TUBGCP4: variants seen among roughly 807,000 people sequenced by gnomAD.
The protein encoded by TUBGCP4 is tubulin gamma complex component 4, also known as gamma-tubulin complex component 4.
A neutral mutation model predicts 91.6 loss-of-function variants in TUBGCP4; 54 were observed. The observed-to-expected ratio is 0.59, with a 90% CI of 0.47 to 0.74. The LOEUF is 0.74. Ranked by LOEUF, TUBGCP4 falls within the 30% of genes least tolerant of loss-of-function variation. The pLI is 0.00. For missense variants in TUBGCP4, 593 were observed against 800.9 expected (o/e 0.74, Z 3.13); for synonymous variants, 297 against 302.8 (o/e 0.98, Z 0.20).
At chr15:43,404,241 A>G in intron 16 of TUBGCP4, 172 bp from the exon 17 acceptor site, 1 of 688,224 alleles carries the variant, frequency 1.5e-6, no homozygotes, top group Non-Finnish European at 2.4e-6. Context: ...GCATGTATGG[A>G]TTTGGTACAA....
At chr15:43,396,008 T>C (rs180986424) in intron 11 of TUBGCP4, among the ~76,000 whole-genome samples, 4 of 152,316 alleles carry the variant, frequency 2.6e-5, no homozygotes, top group Non-Finnish European at 5.9e-5. Context: ...TAGAATTCTT[T>C]AGGTGTGAAT....
At chr15:43,403,511 T>G in intron 15 of TUBGCP4, 172 bp from the exon 16 acceptor site, 1 of 573,424 alleles carries the variant, frequency 1.7e-6, no homozygotes, top group Non-Finnish European at 3.1e-6. Context: ...GTTTTACGCA[T>G]TTTGTGCGTC....
Position 43,406,670 on chromosome 15 carries a change from G to GGAA in TUBGCP4, c.*1458_*1460dup. The stretch of plus-strand genomic sequence containing the variant: ...CAGGGATCAGTGATGCCAGAGGAAG[G>GGAA]GAAGGAACTGCTTCCAGCTATTGTG... On this transcript the variant is annotated 3_prime_UTR_variant, in exon 18 of 18. Transcript: ENST00000564079. 1 of 450,850 alleles carries GGAA rather than the reference G, an allele frequency of 2.2e-6. No individual in the cohort carries two copies. The highest frequency in any genetic ancestry group is 4.4e-6 in the Non-Finnish European group (1 of 225,248). The allele number at this position is 450,850 out of a possible 1,614,324, so 27.9% of individuals were successfully genotyped here. A position where few individuals can be genotyped will look rare whatever the true frequency, so the allele number is the denominator to read the frequency against.
intron 11 of TUBGCP4, among the ~76,000 whole-genome samples, chr15:43,396,801 CCT>C (rs943091740): frequency 1.4e-4 from 22 of 152,070 alleles, no homozygotes; most frequent in Non-Finnish European, 2.9e-5. Context: ...CTACTAAGCC[CCT>C]GTTTATCTTG....
In TUBGCP4 at chr15:43,405,317, T is replaced by G; in HGVS notation, c.*103T>G. 1 of 1,342,826 alleles carries G rather than the reference T, an allele frequency of 7.4e-7. No individual in the cohort carries two copies. The highest frequency in any genetic ancestry group is 1.2e-5 in the South Asian group (1 of 83,404). 83.2% of individuals were successfully genotyped at this position (1,342,826 alleles called of 1,614,324 possible). A position where few individuals can be genotyped will look rare whatever the true frequency, so the allele number is the denominator to read the frequency against. On this transcript the variant is annotated 3_prime_UTR_variant, in exon 18 of 18. Transcript: ENST00000564079. The stretch of plus-strand genomic sequence containing the variant: ...CCACACACAAATAAATATCTGCGGC[T>G]TAGTGATAGGACTCTACCTTTTCTC...
chr15:43,397,456 A>C, intron 12 of TUBGCP4, 135 bp downstream of exon 12: 1 of 685,182 alleles, frequency 1.5e-6, no homozygotes, highest in Non-Finnish European at 2.6e-6. Flanking sequence ...CTATAATTCT[A>C]TAGAGAAGAA....
chr15:43,400,753 T>A (rs1432740162), intron 14 of TUBGCP4, among the ~76,000 whole-genome samples: 28 of 152,084 alleles, frequency 1.8e-4, no homozygotes, highest in Admixed American at 5.2e-4. Context: ...CCATCTCTAC[T>A]AAAAATACAA....
chr15:43,408,402 G>T lies in TUBGCP4; in HGVS notation c.*3188G>T. On this transcript the variant is annotated 3_prime_UTR_variant, in exon 18 of 18. Transcript: ENST00000564079. ...AGGCTGAGGTAGGGGGATCACTTCA[G>T]CCTGGGAGGTTGAGGCTGCAGTAAG... 3.4e-6 allele frequency: 1 copy of T among 297,314 alleles called. No individual in the cohort carries two copies. Among genetic ancestry groups the T allele is most frequent in the South Asian group, 4.0e-5 (1 of 24,962 alleles). The allele number at this position is 297,314 out of a possible 1,614,324, so 18.4% of individuals were successfully genotyped here.
At position 43,407,328 on chromosome 15, in the gene TUBGCP4, G is replaced by C; in HGVS notation, c.*2114G>C. The C allele has an allele frequency of 6.5e-7, 1 of 1,539,956 alleles. No homozygotes were observed. Among genetic ancestry groups the C allele is most frequent in the Non-Finnish European group, 8.9e-7 (1 of 1,120,692 alleles). ...ACACACAAGACACATTTAAAACCTG[G>C]TTAAAACACAATCTCCACGATAGCA... On this transcript the variant is annotated 3_prime_UTR_variant, in exon 18 of 18. Transcript: ENST00000564079.
intron 1 of TUBGCP4, 123 bp downstream of exon 1, chr15:43,371,555 G>A (rs2044122490): frequency 4.2e-6 from 4 of 954,816 alleles, no homozygotes; most frequent in South Asian, 1.4e-5. Context: ...CGTATCCCTG[G>A]ACAGGTGACT....
chr15:43,391,014 C>CT (rs58824568), intron 9 of TUBGCP4, among the ~76,000 whole-genome samples: 1,512 of 143,412 alleles, frequency 0.011, 19 homozygotes, highest in African/African-American at 0.033. Flanking sequence ...TTCTTTTCTT[C>CT]TTTTTTTTTT....
At chr15:43,403,857 G>A in intron 16 of TUBGCP4, 58 bp downstream of exon 16, 1 of 1,245,600 alleles carries the variant, frequency 8.0e-7, no homozygotes, top group Non-Finnish European at 1.2e-6. Context: ...TTTTGCCAAT[G>A]GAGAATTCAT....
At chr15:43,374,178 A>G (rs1566888125) in intron 1 of TUBGCP4, among the ~76,000 whole-genome samples, 3 of 152,204 alleles carry the variant, frequency 2.0e-5, no homozygotes, top group Non-Finnish European at 2.9e-5. Flanking sequence ...ATAATATGCT[A>G]AGTTCCTTTG....
intron 7 of TUBGCP4, chr15:43,385,341 A>C (rs1595484445): frequency 2.2e-6 from 1 of 455,774 alleles, no homozygotes; most frequent in East Asian, 6.9e-5. Flanking sequence ...TGACCTAAAA[A>C]TTAAAACTAT....
At chr15:43,384,436 G>A (rs2142805283) in intron 7 of TUBGCP4, among the ~76,000 whole-genome samples, 1 of 152,274 alleles carries the variant, frequency 6.6e-6, no homozygotes, top group South Asian at 2.1e-4. Flanking sequence ...TGGAAGGTAT[G>A]TCTAAATTGC....
intron 17 of TUBGCP4, chr15:43,404,913 C>T (rs1041565075): frequency 8.4e-5 from 42 of 502,332 alleles, no homozygotes; most frequent in Middle Eastern, 5.4e-4. Flanking sequence ...TGAAAGGAGG[C>T]GACCACCCCT....
chr15:43,385,932 C>G lies in TUBGCP4; in HGVS notation c.865C>G (p.Gln289Glu). The change falls in exon 8 of 18, where the codon CAA (glutamine) becomes GAA (glutamate). Residue 289 changes from glutamine (Q) to glutamate (E), a missense_variant. By Grantham distance (29) the Gln-to-Glu change is conservative. Coordinates refer to ENST00000564079, the MANE Select transcript of TUBGCP4 (RefSeq NM_014444.5). ...AGAATCTGTCCAGATGTTTGAGAAT[C>G]AAAATGTGAACCTGACTAGAAAAGG... ...VGESVQMFEN[Q>E]NVNLTRKGSI... 6.2e-7 allele frequency: 1 copy of G among 1,614,012 alleles called. No individual in the cohort carries two copies. The highest frequency in any genetic ancestry group is 8.5e-7 in the Non-Finnish European group (1 of 1,179,990).
In TUBGCP4 at chr15:43,405,298, A is replaced by G; in HGVS notation, c.*84A>G. ...TCAAAACATCCCATTCTAGCCACAC[A>G]CAAATAAATATCTGCGGCTTAGTGA... On this transcript the variant is annotated 3_prime_UTR_variant, in exon 18 of 18. Transcript: ENST00000564079. 1 of 1,484,702 alleles carries G rather than the reference A, an allele frequency of 6.7e-7. No homozygotes were observed. Among genetic ancestry groups the G allele is most frequent in the Non-Finnish European group, 9.4e-7 (1 of 1,064,154 alleles). 92.0% of individuals were successfully genotyped at this position (1,484,702 alleles called of 1,614,324 possible).
At position 43,376,137 on chromosome 15, in the gene TUBGCP4, A is replaced by G. The variant is rs768846806; in HGVS notation, c.118A>G (p.Ser40Gly). 10 of 1,589,746 alleles carry G rather than the reference A, an allele frequency of 6.3e-6. No homozygotes were observed. The highest frequency in any genetic ancestry group is 8.6e-6 in the Non-Finnish European group (10 of 1,162,278). The change falls in exon 2 of 18, where the codon AGT (serine) becomes GGT (glycine). Residue 40 changes from serine to glycine, a missense_variant. Coordinates refer to ENST00000564079, the MANE Select transcript of TUBGCP4 (RefSeq NM_014444.5). ...CCCTTTCCTCCACCCCAGTGAGACC[A>G]GTGTCCTGAATCGACTCTGCCGGCT... ...DFPFLHPSET[S>G]VLNRLCRLGT...
Sources: gnomAD v4.1 joint callset for allele counts (sites outside exome capture counted in the v4.1 genomes callset) on GRCh38, gnomAD v4.1.1 for gene constraint, MANE v1.5 for transcripts, NCBI Gene and HGNC (gene_info 2026-07-23, HGNC 2026-07-21) for gene names.